CELF4: variants seen among roughly 807,000 people sequenced by gnomAD.
The protein encoded by CELF4 is CUG-BP- and ETR-3-like factor 4.
CELF4 carries 18 observed loss-of-function variants against 59.9 expected under a neutral mutation model. The observed-to-expected ratio is 0.30, with a 90% CI of 0.21 to 0.45. The LOEUF (loss-of-function observed/expected upper bound fraction) is 0.45. Ranked by LOEUF, CELF4 falls within the 20% of genes least tolerant of loss-of-function variation. The pLI is 1.00. For synonymous variants in CELF4, 261 were observed against 267.1 expected (o/e 0.98, Z 0.22); for missense variants, 456 against 689.0 (o/e 0.66, Z 3.79).
At chr18:37,497,965 G>C (rs1302967269) in intron 1 of CELF4, among the ~76,000 whole-genome samples, 1 of 152,222 alleles carries the variant, frequency 6.6e-6, no homozygotes, top group Non-Finnish European at 1.5e-5. Context: ...GATAGAGCCA[G>C]TGTGTGAGAT....
At chr18:37,354,239 A>G (rs762592469) in intron 2 of CELF4, among the ~76,000 whole-genome samples, 3 of 152,074 alleles carry the variant, frequency 2.0e-5, no homozygotes, top group Non-Finnish European at 4.4e-5. Context: ...CGTTATCCCC[A>G]TTTTACAGAT....
chr18:37,265,022 T>A lies in CELF4; in HGVS notation c.1166-265A>T, dbSNP rs960173415. ...GCATACATGCATGTACGTGTGGGGATGTGTGTGTACGTGTGTGTGTACATT... is the reference window on the plus strand; with the variant it reads ...GCATACATGCATGTACGTGTGGGGAAGTGTGTGTACGTGTGTGTGTACATT... On this transcript the variant is annotated intron_variant, in intron 9 of 12. Transcript: ENST00000420428. Among the ~76,000 whole-genome samples the A allele has an allele frequency of 2.1e-4, 32 of 151,294 alleles. 1 individual carries two copies. Among genetic ancestry groups the A allele is most frequent in the Non-Finnish European group, 3.0e-5 (2 of 67,768 alleles).
At chr18:37,465,526 C>G (rs111749981) in intron 2 of CELF4, among the ~76,000 whole-genome samples, 214 of 152,196 alleles carry the variant, frequency 1.4e-3, no homozygotes, top group African/African-American at 4.9e-3. Context: ...CCTCAGAGAG[C>G]TGAGGTTTGT....
rs2097536614 is a variant in CELF4 at position 37,331,377 on chromosome 18, C to A, written c.370-9496G>T. Among the ~76,000 whole-genome samples, 4 of 152,342 alleles carry A rather than the reference C, an allele frequency of 2.6e-5. No individual in the cohort carries two copies. In the South Asian group the frequency reaches 8.3e-4, roughly 32 times the overall value. ...GATTGGGTCCACCCAGTTACACTCA[C>A]CGCCTTTCCAGTCATCGCCTCTGGA... is the stretch of plus-strand genomic sequence containing the variant. On this transcript the variant is annotated intron_variant, in intron 2 of 12. Coordinates refer to ENST00000420428, the MANE Select transcript of CELF4 (RefSeq NM_020180.4).
At chr18:37,401,146 C>T (rs923742356) in intron 2 of CELF4, among the ~76,000 whole-genome samples, 3 of 152,206 alleles carry the variant, frequency 2.0e-5, no homozygotes, top group African/African-American at 7.2e-5. Flanking sequence ...AATGCTCAGG[C>T]TCCAGTGACT....
At chr18:37,277,770 C>A (rs1266199050) in intron 3 of CELF4, among the ~76,000 whole-genome samples, 1 of 152,168 alleles carries the variant, frequency 6.6e-6, no homozygotes. Context: ...CTCCCTACCT[C>A]CCCCTCAACC....
intron 8 of CELF4, 144 bp from the exon 9 acceptor site, chr18:37,266,742 C>A (rs2077781168): frequency 2.8e-6 from 2 of 725,442 alleles, no homozygotes; most frequent in Admixed American, 5.3e-5. Context: ...GAGACAGAAA[C>A]CCTGAGTGCC....
intron 3 of CELF4, among the ~76,000 whole-genome samples, chr18:37,313,302 T>C (rs994281284): frequency 1.8e-4 from 27 of 152,202 alleles, no homozygotes; most frequent in African/African-American, 5.8e-4. Context: ...TGGATGTTTC[T>C]CTGCAGCCCC....
At chr18:37,356,385 C>T (rs692782) in intron 2 of CELF4, among the ~76,000 whole-genome samples, 4,188 of 152,092 alleles carry the variant, frequency 0.028, 186 homozygotes, top group African/African-American at 0.095. Context: ...AAAGAGAGAA[C>T]GGTTGGGTGT....
intron 2 of CELF4, among the ~76,000 whole-genome samples, chr18:37,380,864 A>T (rs1392482817): frequency 4.0e-5 from 6 of 149,426 alleles, no homozygotes; most frequent in Admixed American, 4.0e-4. Context: ...TTATCCATCC[A>T]TCCATCTATC....
chr18:37,562,990 G>A (rs1376037612), intron 1 of CELF4, among the ~76,000 whole-genome samples: 1 of 152,064 alleles, frequency 6.6e-6, no homozygotes, highest in African/African-American at 2.4e-5. Context: ...AGACAGTTTA[G>A]GGGAGAAATT....
At position 37,330,117 on chromosome 18, in the gene CELF4, C is replaced by T. The variant is rs559505563; in HGVS notation, c.370-8236G>A. ...CAACTCGATAAGGACAGAGAACTCA[C>T]CAGTGAGCTTGTGGGGATCAAAGGT... On this transcript the variant is annotated intron_variant, in intron 2 of 12. Transcript: ENST00000420428. 7.7e-4 allele frequency among the ~76,000 whole-genome samples: 118 copies of T among 152,336 alleles called. 1 individual carries two copies. Among genetic ancestry groups the T allele is most frequent in the Non-Finnish European group, 1.4e-3 (98 of 68,036 alleles).
At chr18:37,361,952 G>C (rs1046537740) in intron 2 of CELF4, among the ~76,000 whole-genome samples, 6 of 152,152 alleles carry the variant, frequency 3.9e-5, no homozygotes, top group Admixed American at 2.0e-4. Flanking sequence ...GGGTACCCAG[G>C]GGCACTGAGG....
intron 2 of CELF4, among the ~76,000 whole-genome samples, chr18:37,386,260 G>A (rs758905677): frequency 3.3e-5 from 5 of 152,178 alleles, no homozygotes; most frequent in Non-Finnish European, 7.3e-5. Flanking sequence ...ACAGTGTTCT[G>A]GAAGCTTAGA....
At chr18:37,411,817 T>C (rs922796709) in intron 2 of CELF4, among the ~76,000 whole-genome samples, 6 of 152,180 alleles carry the variant, frequency 3.9e-5, no homozygotes, top group African/African-American at 9.7e-5. Flanking sequence ...CTAGCCTAGA[T>C]AGGCCCTCTC....
chr18:37,282,467 C>T (rs2094268840), intron 3 of CELF4, among the ~76,000 whole-genome samples: 2 of 152,218 alleles, frequency 1.3e-5, no homozygotes, highest in South Asian at 4.1e-4. Flanking sequence ...GGACAAGCAA[C>T]TCATCTGAAT....
At chr18:37,382,468 G>T (rs898095156) in intron 2 of CELF4, among the ~76,000 whole-genome samples, 2 of 152,156 alleles carry the variant, frequency 1.3e-5, no homozygotes, top group Non-Finnish European at 2.9e-5. Context: ...CAGACCAGGG[G>T]CTCCTCCCTC....
At chr18:37,302,724 G>A (rs1231907220) in intron 3 of CELF4, among the ~76,000 whole-genome samples, 4 of 152,338 alleles carry the variant, frequency 2.6e-5, no homozygotes, top group South Asian at 4.1e-4. Flanking sequence ...AGCTTTATTA[G>A]GGTGTGTGGT....
intron 2 of CELF4, among the ~76,000 whole-genome samples, chr18:37,466,099 G>A (rs561810068): frequency 6.6e-6 from 1 of 152,322 alleles, no homozygotes; most frequent in African/African-American, 2.4e-5. Flanking sequence ...TCCACAAGGG[G>A]CCAGCTAAGT....
Sources: allele counts gnomAD v4.1 joint callset (sites outside exome capture counted in the v4.1 genomes callset), GRCh38; gene constraint gnomAD v4.1.1; transcripts MANE v1.5; gene names NCBI Gene and HGNC (gene_info 2026-07-23, HGNC 2026-07-21).